The following PDGFD variants were observed in gnomAD, a reference collection of about 807,000 sequenced individuals.
The protein encoded by PDGFD is platelet-derived growth factor D.
Under a neutral mutation model 44.7 loss-of-function variants are expected in PDGFD, and 30 were observed. The ratio of observed to expected loss-of-function variants is 0.67; its 90% confidence interval spans 0.50 to 0.91. The LOEUF (loss-of-function observed/expected upper bound fraction) is 0.91. PDGFD is among the 40% of genes least tolerant of loss of function. The pLI, the probability that PDGFD is intolerant of heterozygous loss-of-function variation, is 0.00. For missense variants in PDGFD, 445 were observed against 457.8 expected (o/e 0.97, Z 0.25); for synonymous variants, 173 against 168.4 (o/e 1.03, Z -0.21).
At position 104,016,454 on chromosome 11, in the gene PDGFD, T is replaced by C. The variant is rs374356616; in HGVS notation, c.125-16199A>G. Among the ~76,000 whole-genome samples the C allele has an allele frequency of 3.3e-5, 5 of 152,374 alleles. 1 individual carries two copies. The highest frequency in any genetic ancestry group is 2.0e-4 in the Admixed American group (3 of 15,308). On this transcript the variant is annotated intron_variant, in intron 1 of 6. Transcript: ENST00000393158. The stretch of plus-strand genomic sequence containing the variant: ...TCCCTCTGTCTCACTGGGCAGAATC[T>C]GGGCATATTCTCAGGCCTATGCCAG...
At chr11:104,148,297 T>G (rs1165967604) in intron 1 of PDGFD, among the ~76,000 whole-genome samples, 1 of 152,134 alleles carries the variant, frequency 6.6e-6, no homozygotes, top group Non-Finnish European at 1.5e-5. Context: ...CAAAAACAGC[T>G]CTCATAAATT....
intron 3 of PDGFD, among the ~76,000 whole-genome samples, chr11:103,985,132 T>TTTAATATATTATATATTAATTTAA (rs1859341849): frequency 7.1e-6 from 1 of 141,496 alleles, no homozygotes; most frequent in Admixed American, 7.4e-5. Context: ...TATTAATTTA[T>TTTAATATATTATATATTAATTTAA]TTAATATATA....
At chr11:103,971,742 AT>A (rs1156497153) in intron 3 of PDGFD, among the ~76,000 whole-genome samples, 2 of 152,246 alleles carry the variant, frequency 1.3e-5, no homozygotes, top group African/African-American at 4.8e-5. Context: ...TTTGAACTTA[AT>A]AAGTTCTCCC....
At chr11:103,909,926 C>A in intron 6 of PDGFD, 107 bp from the exon 7 acceptor site, 2 of 1,374,484 alleles carry the variant, frequency 1.5e-6, no homozygotes, top group South Asian at 1.3e-5. Context: ...CCTTTGAGAA[C>A]CCAACAGAAG....
intron 3 of PDGFD, among the ~76,000 whole-genome samples, chr11:103,963,431 T>C (rs1054449932): frequency 6.6e-6 from 1 of 152,170 alleles, no homozygotes; most frequent in African/African-American, 2.4e-5. Flanking sequence ...TAAAAGAATG[T>C]GTAATTTCTT....
chr11:103,907,816 G>A lies in PDGFD; in HGVS notation c.*1878C>T, dbSNP rs1234776629. 6.6e-6 allele frequency: 1 copy of A among 152,148 alleles called. No homozygotes were observed. The highest frequency in any genetic ancestry group is 1.5e-5 in the Non-Finnish European group (1 of 68,020). The allele number at this position is 152,148 out of a possible 1,614,324, so 9.4% of individuals were successfully genotyped here. A position where few individuals can be genotyped will look rare whatever the true frequency, so the allele number is the denominator to read the frequency against. ...AGGAAGAGCGTTCTTAATTATTAGT[G>A]TCTGCCTGAGCTATTTCTGATTGTG... On this transcript the variant is annotated 3_prime_UTR_variant, in exon 7 of 7. Transcript: ENST00000393158.
At chr11:104,016,797 G>A (rs1166463683) in intron 1 of PDGFD, among the ~76,000 whole-genome samples, 1 of 152,214 alleles carries the variant, frequency 6.6e-6, no homozygotes, top group East Asian at 1.9e-4. Flanking sequence ...GAACAAGGTG[G>A]TTATAATCTG....
At chr11:103,999,072 T>A (rs1441787278) in intron 2 of PDGFD, among the ~76,000 whole-genome samples, 1 of 152,202 alleles carries the variant, frequency 6.6e-6, no homozygotes, top group East Asian at 1.9e-4. Flanking sequence ...CTTAATGTAT[T>A]CATCTCTGCT....
At chr11:103,938,033 T>G (rs569050432) in intron 5 of PDGFD, among the ~76,000 whole-genome samples, 1 of 151,370 alleles carries the variant, frequency 6.6e-6, no homozygotes, top group African/African-American at 2.5e-5. Flanking sequence ...TGTGTCTTTA[T>G]AGCAGCATGA....
chr11:104,150,639 AG>A (rs1862229830), intron 1 of PDGFD, among the ~76,000 whole-genome samples: 1 of 152,172 alleles, frequency 6.6e-6, no homozygotes, highest in Non-Finnish European at 1.5e-5. Context: ...TGGAGGCTCC[AG>A]GGAAAAGCCC....
intron 1 of PDGFD, among the ~76,000 whole-genome samples, chr11:104,155,365 G>T (rs1291378010): frequency 6.6e-6 from 1 of 152,188 alleles, no homozygotes; most frequent in African/African-American, 2.4e-5. Flanking sequence ...TACGGAGACA[G>T]ATTGGAGCTA....
At chr11:104,087,064 T>A (rs1162647505) in intron 1 of PDGFD, among the ~76,000 whole-genome samples, 1 of 145,186 alleles carries the variant, frequency 6.9e-6, no homozygotes, top group African/African-American at 2.6e-5. Flanking sequence ...TCTAGCTCTG[T>A]TGCCAGGCTG....
In PDGFD at chr11:103,956,357, C is replaced by T. The variant is rs187500262; in HGVS notation, c.511-8633G>A. On this transcript the variant is annotated intron_variant, in intron 3 of 6. Transcript: ENST00000393158. Reference sequence around the variant, plus strand: ...GATAGATTACTGAGAATGATGATTTCCAATTTCATCCATGTCCCTACAAAG... The same window carrying T: ...GATAGATTACTGAGAATGATGATTTTCAATTTCATCCATGTCCCTACAAAG... Among the ~76,000 whole-genome samples the T allele has an allele frequency of 6.5e-4, 98 of 150,612 alleles. 1 individual carries two copies. Among genetic ancestry groups the T allele is most frequent in the African/African-American group, 2.3e-3 (93 of 40,610 alleles).
intron 1 of PDGFD, among the ~76,000 whole-genome samples, chr11:104,076,485 A>G (rs1338902429): frequency 6.6e-6 from 1 of 152,112 alleles, no homozygotes; most frequent in Non-Finnish European, 1.5e-5. Context: ...TCACATGAGA[A>G]TTTTCTAATT....
chr11:103,997,882 G>A (rs1002812720), intron 2 of PDGFD, among the ~76,000 whole-genome samples: 1 of 152,100 alleles, frequency 6.6e-6, no homozygotes, highest in Non-Finnish European at 1.5e-5. Flanking sequence ...TCTCTGGTCT[G>A]TCTCTTTCCC....
At chr11:104,072,621 T>C (rs1860897893) in intron 1 of PDGFD, among the ~76,000 whole-genome samples, 1 of 151,978 alleles carries the variant, frequency 6.6e-6, no homozygotes. Context: ...AGTTAACAGA[T>C]ATAATAGGCA....
intron 3 of PDGFD, among the ~76,000 whole-genome samples, chr11:103,990,935 C>T (rs913179693): frequency 1.3e-5 from 2 of 151,820 alleles, no homozygotes; most frequent in African/African-American, 4.8e-5. Context: ...GTCAGGAGGT[C>T]GAGACCATCC....
intron 1 of PDGFD, among the ~76,000 whole-genome samples, chr11:104,163,414 T>C (rs1382820462): frequency 6.6e-6 from 1 of 152,174 alleles, no homozygotes; most frequent in African/African-American, 2.4e-5. Flanking sequence ...GGAAAGCTAC[T>C]CTTGACTCCT....
intron 1 of PDGFD, among the ~76,000 whole-genome samples, chr11:104,095,934 A>G (rs1861279402): frequency 6.6e-6 from 1 of 152,196 alleles, no homozygotes; most frequent in Non-Finnish European, 1.5e-5. Context: ...TCTGAAGCAG[A>G]TTATTCCACA....
Sources: allele counts gnomAD v4.1 joint callset (sites outside exome capture counted in the v4.1 genomes callset), GRCh38; gene constraint gnomAD v4.1.1; transcripts MANE v1.5; gene names NCBI Gene and HGNC (gene_info 2026-07-23, HGNC 2026-07-21).